The following INTS14 variants were observed in gnomAD, a reference collection of about 807,000 sequenced individuals.
The protein encoded by INTS14 is integrator complex subunit 14.
Under a neutral mutation model 56.9 loss-of-function variants are expected in INTS14, and 27 were observed. The observed-to-expected ratio is 0.47, with a 90% CI of 0.35 to 0.65. The LOEUF (loss-of-function observed/expected upper bound fraction) is 0.65. Among genes scored for constraint, INTS14 ranks in the 30% least tolerant of loss-of-function variants. The probability of loss-of-function intolerance (pLI) is 0.00; values close to 1 mark genes in which losing one functional copy is unlikely to be tolerated. For synonymous variants in INTS14, 207 were observed against 236.2 expected (o/e 0.88, Z 1.13); for missense variants, 517 against 632.2 (o/e 0.82, Z 1.95).
intron 1 of INTS14, 88 bp downstream of exon 1, chr15:65,611,010 C>A (rs1331563337): frequency 6.6e-7 from 1 of 1,522,400 alleles, no homozygotes; most frequent in East Asian, 2.5e-5. Context: ...AAGCGCTGGC[C>A]CTGGGTTGTT....
chr15:65,579,208 G>A lies in INTS14; in HGVS notation c.*200C>T, dbSNP rs1329854528. On this transcript the variant is annotated 3_prime_UTR_variant, in exon 12 of 12. Coordinates refer to ENST00000313182, the MANE Select transcript of INTS14 (RefSeq NM_001394796.1). Reference sequence around the variant, plus strand: ...CCAAGCTTAAAAATTATGAATCCCAGGAAGTTAAAGCCCAACCAGCCAACC... The same window carrying A: ...CCAAGCTTAAAAATTATGAATCCCAAGAAGTTAAAGCCCAACCAGCCAACC... 1.4e-5 allele frequency: 9 copies of A among 629,024 alleles called. No individual in the cohort carries two copies. The highest frequency in any genetic ancestry group is 2.4e-5 in the Non-Finnish European group (9 of 382,414). The allele number at this position is 629,024 out of a possible 1,614,324, so 39.0% of individuals were successfully genotyped here. A position where few individuals can be genotyped will look rare whatever the true frequency, so the allele number is the denominator to read the frequency against.
chr15:65,610,020 A>G (rs2073827121), intron 1 of INTS14, among the ~76,000 whole-genome samples: 1 of 151,630 alleles, frequency 6.6e-6, no homozygotes, highest in African/African-American at 2.4e-5. Flanking sequence ...GTTGGAGTAA[A>G]GGAGGGAACT....
chr15:65,585,675 G>C (rs1231357654), intron 9 of INTS14, among the ~76,000 whole-genome samples: 1 of 152,134 alleles, frequency 6.6e-6, no homozygotes, highest in East Asian at 1.9e-4. Flanking sequence ...TGGTGTATTT[G>C]ATCTTTATTA....
chr15:65,607,757 C>T (rs1261633099), intron 1 of INTS14, among the ~76,000 whole-genome samples: 1 of 152,202 alleles, frequency 6.6e-6, no homozygotes, highest in Non-Finnish European at 1.5e-5. Flanking sequence ...TAAACTCCCA[C>T]ATCTCCTAAC....
chr15:65,586,109 A>G (rs771146442), intron 9 of INTS14, among the ~76,000 whole-genome samples: 5 of 152,208 alleles, frequency 3.3e-5, no homozygotes, highest in Middle Eastern at 6.8e-3. Flanking sequence ...TTCATTATCT[A>G]TAGTAAGACC....
chr15:65,584,708 C>T, intron 10 of INTS14, 62 bp downstream of exon 10: 2 of 1,359,278 alleles, frequency 1.5e-6, no homozygotes, highest in Non-Finnish European at 2.0e-6. Context: ...AAATAAAATG[C>T]CTGCCTGCCT....
intron 9 of INTS14, chr15:65,586,918 T>C (rs551137978): frequency 1.3e-5 from 2 of 152,232 alleles, no homozygotes; most frequent in Non-Finnish European, 2.9e-5. Context: ...GCAAAATCAA[T>C]GAAGAGACCA....
chr15:65,602,521 G>C (rs2073476055), intron 3 of INTS14, among the ~76,000 whole-genome samples: 2 of 152,070 alleles, frequency 1.3e-5, no homozygotes, highest in Non-Finnish European at 2.9e-5. Flanking sequence ...CTGACCTCAG[G>C]TGATCTGCCC....
chr15:65,592,667 T>A (rs1388248320), intron 8 of INTS14, among the ~76,000 whole-genome samples: 2 of 152,182 alleles, frequency 1.3e-5, no homozygotes, highest in African/African-American at 4.8e-5. Context: ...TTATGAGGGA[T>A]TAAATGTGCT....
chr15:65,595,176 A>C (rs779183873), intron 7 of INTS14, among the ~76,000 whole-genome samples: 3 of 152,230 alleles, frequency 2.0e-5, no homozygotes, highest in Non-Finnish European at 2.9e-5. Flanking sequence ...ATAATTTTAA[A>C]GAGTTAGAGT....
intron 9 of INTS14, among the ~76,000 whole-genome samples, chr15:65,588,555 C>A (rs1402026805): frequency 1.3e-5 from 2 of 151,506 alleles, no homozygotes; most frequent in African/African-American, 4.8e-5. Context: ...GTAGTCACAG[C>A]TATTAGGGAG....
chr15:65,581,858 T>TA, intron 11 of INTS14, 96 bp downstream of exon 11: 1 of 1,243,398 alleles, frequency 8.0e-7, no homozygotes, highest in Non-Finnish European at 1.1e-6. Context: ...GCACAAGTCA[T>TA]ACATCTCTAA....
At chr15:65,609,434 G>T (rs745933339) in intron 1 of INTS14, among the ~76,000 whole-genome samples, 4 of 151,830 alleles carry the variant, frequency 2.6e-5, no homozygotes, top group Non-Finnish European at 5.9e-5. Context: ...CACAATATTG[G>T]TTCAACTACA....
chr15:65,609,214 A>G (rs1596274029), intron 1 of INTS14, among the ~76,000 whole-genome samples: 1 of 152,074 alleles, frequency 6.6e-6, no homozygotes, highest in South Asian at 2.1e-4. Flanking sequence ...CTGCCTCCCA[A>G]AGTGCTGGGA....
chr15:65,591,444 T>C (rs1394500906), intron 9 of INTS14, among the ~76,000 whole-genome samples, 154 bp downstream of exon 9: 1 of 152,204 alleles, frequency 6.6e-6, no homozygotes, highest in African/African-American at 2.4e-5. Flanking sequence ...CATCAAACTC[T>C]CTTCAAGTTT....
At chr15:65,600,932 C>T (rs1005841544) in intron 3 of INTS14, among the ~76,000 whole-genome samples, 1 of 152,128 alleles carries the variant, frequency 6.6e-6, no homozygotes, top group Non-Finnish European at 1.5e-5. Flanking sequence ...ACTAGAACCC[C>T]AACTCTTAGA....
chr15:65,592,856 A>G (rs574221568), intron 8 of INTS14, among the ~76,000 whole-genome samples: 1 of 152,232 alleles, frequency 6.6e-6, no homozygotes, highest in Non-Finnish European at 1.5e-5. Flanking sequence ...GGTATTCTAG[A>G]TAGGATTAGA....
chr15:65,598,288 G>C, intron 6 of INTS14, 33 bp downstream of exon 6: 1 of 1,591,360 alleles, frequency 6.3e-7, no homozygotes, highest in Non-Finnish European at 8.6e-7. Flanking sequence ...GGATAACAGA[G>C]AAACTAAGAA....
chr15:65,580,113 T>C (rs972183115), intron 11 of INTS14, among the ~76,000 whole-genome samples: 2 of 151,370 alleles, frequency 1.3e-5, no homozygotes, highest in African/African-American at 4.9e-5. Context: ...CCTGGAGGAG[T>C]CAGAGTGGAA....
Sources: allele counts gnomAD v4.1 joint callset (sites outside exome capture counted in the v4.1 genomes callset), GRCh38; gene constraint gnomAD v4.1.1; transcripts MANE v1.5; gene names NCBI Gene and HGNC (gene_info 2026-07-23, HGNC 2026-07-21).